EPB41L4A: variants seen among roughly 807,000 people sequenced by gnomAD.
The protein encoded by EPB41L4A is band 4.1-like protein 4A.
A neutral mutation model predicts 108.6 loss-of-function variants in EPB41L4A; 100 were observed. The ratio of observed to expected loss-of-function variants is 0.92; its 90% CI spans 0.78 to 1.09. The LOEUF is 1.09. Among genes scored for constraint, EPB41L4A ranks in the 50% least tolerant of loss-of-function variants. EPB41L4A has a pLI of 0.00. For synonymous variants in EPB41L4A, 319 were observed against 289.0 expected (o/e 1.10, Z -1.05); for missense variants, 1,030 against 842.7 (o/e 1.22, Z -2.75).
At chr5:112,347,220 C>A (rs1411955598) in intron 1 of EPB41L4A, among the ~76,000 whole-genome samples, 1 of 152,162 alleles carries the variant, frequency 6.6e-6, no homozygotes, top group East Asian at 1.9e-4. Flanking sequence ...AGAATGTGAT[C>A]CATTAGGGGA....
At chr5:112,217,735 A>C (rs541435413) in intron 12 of EPB41L4A, among the ~76,000 whole-genome samples, 3 of 152,246 alleles carry the variant, frequency 2.0e-5, no homozygotes, top group Admixed American at 2.0e-4. Context: ...TAAAGTTCCA[A>C]GAGTGATATT....
intron 1 of EPB41L4A, among the ~76,000 whole-genome samples, chr5:112,345,613 C>T (rs1757587065): frequency 6.6e-6 from 1 of 152,002 alleles, no homozygotes; most frequent in Non-Finnish European, 1.5e-5. Flanking sequence ...CTTAAGAATA[C>T]AGTTTGGTGA....
chr5:112,213,126 A>T (rs1387587861), intron 12 of EPB41L4A, among the ~76,000 whole-genome samples: 1 of 152,204 alleles, frequency 6.6e-6, no homozygotes, highest in Non-Finnish European at 1.5e-5. Flanking sequence ...AAAAAAAATC[A>T]TGTGAGTGCT....
At chr5:112,248,959 GCTCC>G (rs1376265950) in intron 9 of EPB41L4A, among the ~76,000 whole-genome samples, 1 of 151,970 alleles carries the variant, frequency 6.6e-6, no homozygotes, top group African/African-American at 2.4e-5. Context: ...CCTTCCCCAG[GCTCC>G]CTAAAATTAT....
rs148227280 is a variant in EPB41L4A, at chr5:112,247,580, T to C, written c.796-6770A>G. 5.8e-3 allele frequency among the ~76,000 whole-genome samples: 881 copies of C among 152,328 alleles called. 3 individuals carry two copies. The highest frequency in any genetic ancestry group is 0.01 in the Middle Eastern group (3 of 294). ...TAGCAAAATCATCCAAAATGAGGTA[T>C]AATTTAAGTACTTAAATAAAAATAT... is the stretch of plus-strand genomic sequence containing the variant. On this transcript the variant is annotated intron_variant, in intron 9 of 22. Coordinates refer to ENST00000261486, the MANE Select transcript of EPB41L4A (RefSeq NM_022140.5).
At chr5:112,211,852 C>A (rs1319485109) in intron 12 of EPB41L4A, among the ~76,000 whole-genome samples, 1 of 152,258 alleles carries the variant, frequency 6.6e-6, no homozygotes, top group Non-Finnish European at 1.5e-5. Context: ...ACATGGGATT[C>A]CATATCTGAA....
At chr5:112,281,450 A>C (rs1752960472) in intron 2 of EPB41L4A, among the ~76,000 whole-genome samples, 1 of 152,228 alleles carries the variant, frequency 6.6e-6, no homozygotes, top group South Asian at 2.1e-4. Flanking sequence ...GAGTTCCCAC[A>C]AAAGCAGAGT....
chr5:112,371,507 C>G (rs1419412028), intron 1 of EPB41L4A, among the ~76,000 whole-genome samples: 2 of 152,160 alleles, frequency 1.3e-5, no homozygotes, highest in African/African-American at 4.8e-5. Flanking sequence ...ACTCAGTTGC[C>G]TGCCTTGAGC....
At chr5:112,342,539 G>T (rs374614107) in intron 1 of EPB41L4A, among the ~76,000 whole-genome samples, 1 of 152,142 alleles carries the variant, frequency 6.6e-6, no homozygotes, top group Non-Finnish European at 1.5e-5. Flanking sequence ...ATTTCCCCAC[G>T]TGATGCATTA....
rs903874049 is a variant in EPB41L4A, at chr5:112,419,099, C to T, written c.-60G>A. On this transcript the variant is annotated 5_prime_UTR_variant, in exon 1 of 23. Coordinates refer to ENST00000261486, the MANE Select transcript of EPB41L4A (RefSeq NM_022140.5). ...CTACCACCGAGGCGCCCAGCCGCCC[C>T]CTCCACTCAAGCGCGATGCATTAAT... 2.3e-6 allele frequency: 3 copies of T among 1,304,922 alleles called. No individual in the cohort carries two copies. The highest frequency in any genetic ancestry group is 2.9e-5 in the African/African-American group (2 of 68,264). 80.8% of individuals were successfully genotyped at this position (1,304,922 alleles called of 1,614,324 possible).
intron 6 of EPB41L4A, 94 bp from the exon 7 acceptor site, chr5:112,262,675 A>C (rs1164953578): frequency 1.9e-6 from 2 of 1,062,982 alleles, no homozygotes; most frequent in African/African-American, 3.2e-5. Flanking sequence ...ATGGGAAAAC[A>C]AATAATACTT....
Position 112,195,654 on chromosome 5 carries a change from T to G in EPB41L4A, c.1424+7A>C. 6.2e-7 allele frequency: 1 copy of G among 1,612,976 alleles called. No individual in the cohort carries two copies. The highest frequency in any genetic ancestry group is 2.2e-5 in the East Asian group (1 of 44,860). On this transcript the variant is annotated splice_region_variant and intron_variant, in intron 16 of 22. Transcript: ENST00000261486. The stretch of plus-strand genomic sequence containing the variant: ...CTCTGACTGTCCTTCCATTTTTGTT[T>G]TTTTACCTCCTCCTTTGCTTAAGAT...
intron 12 of EPB41L4A, among the ~76,000 whole-genome samples, chr5:112,219,224 C>T (rs1747868989): frequency 6.6e-6 from 1 of 152,170 alleles, no homozygotes; most frequent in Non-Finnish European, 1.5e-5. Context: ...GGGAGGGAGC[C>T]AGTGGGAGGT....
At chr5:112,162,336 C>T (rs1759959024), downstream of EPB41L4A, 1 of 152,228 alleles carries the variant, frequency 6.6e-6, no homozygotes, top group Non-Finnish European at 1.5e-5. Flanking sequence ...AAGTGATTAA[C>T]TGCCAGAAAC....
At chr5:112,298,934 A>G (rs1002661479) in intron 2 of EPB41L4A, among the ~76,000 whole-genome samples, 2 of 152,182 alleles carry the variant, frequency 1.3e-5, no homozygotes, top group Admixed American at 6.5e-5. Flanking sequence ...TTATGCACGT[A>G]AATGTGTTCA....
intron 12 of EPB41L4A, among the ~76,000 whole-genome samples, chr5:112,217,022 G>A (rs758085011): frequency 6.6e-6 from 1 of 150,418 alleles, no homozygotes. Context: ...CCCACTCACT[G>A]CAACCACAGT....
chr5:112,313,700 T>C (rs1008639116), intron 1 of EPB41L4A, among the ~76,000 whole-genome samples: 1 of 152,134 alleles, frequency 6.6e-6, no homozygotes, highest in Non-Finnish European at 1.5e-5. Context: ...TTACCTTTTT[T>C]TGCTGTGGAG....
chr5:112,205,005 G>A (rs2150298914), intron 14 of EPB41L4A, among the ~76,000 whole-genome samples: 1 of 152,278 alleles, frequency 6.6e-6, no homozygotes, highest in South Asian at 2.1e-4. Context: ...TGGTAGTTGT[G>A]ACCAGAGATA....
intron 18 of EPB41L4A, among the ~76,000 whole-genome samples, chr5:112,183,017 T>C (rs1761235457): frequency 6.6e-6 from 1 of 152,174 alleles, no homozygotes; most frequent in African/African-American, 2.4e-5. Flanking sequence ...TACACACATA[T>C]ACACGGGGTT....
Sources: allele counts gnomAD v4.1 joint callset (sites outside exome capture counted in the v4.1 genomes callset), GRCh38; gene constraint gnomAD v4.1.1; transcripts MANE v1.5; gene names NCBI Gene and HGNC (gene_info 2026-07-23, HGNC 2026-07-21).